Variants in TRAPPC9 observed in about 807,000 individuals in gnomAD.
TRAPPC9 encodes the protein IKK2 binding protein.
A neutral mutation model predicts 124.0 loss-of-function variants in TRAPPC9; 83 were observed. The ratio of observed to expected loss-of-function variants is 0.67; its 90% CI spans 0.56 to 0.80. The LOEUF (loss-of-function observed/expected upper bound fraction) is 0.80. TRAPPC9 is among the 30% of genes least tolerant of loss of function. The probability of loss-of-function intolerance (pLI) is 0.00; values close to 1 mark genes in which losing one functional copy is unlikely to be tolerated. For missense variants in TRAPPC9, 1,302 were observed against 1,508.3 expected, an observed-to-expected ratio of 0.86 and a Z score of 2.27; for synonymous variants, 638 against 617.5, an observed-to-expected ratio of 1.03 and a Z score of -0.49.
At chr8:139,918,044 T>A (rs1049932474) in intron 19 of TRAPPC9, among the ~76,000 whole-genome samples, 1 of 152,086 alleles carries the variant, frequency 6.6e-6, no homozygotes. Context: ...GAGAAAACAC[T>A]CAATGGGAGA....
chr8:140,379,819 A>G (rs552426956), intron 7 of TRAPPC9, among the ~76,000 whole-genome samples: 2 of 152,242 alleles, frequency 1.3e-5, no homozygotes, highest in East Asian at 3.8e-4. Context: ...TAAATATGAC[A>G]GTAATGTAAG....
intron 17 of TRAPPC9, among the ~76,000 whole-genome samples, chr8:140,075,842 T>C (rs1051970164): frequency 2.0e-5 from 3 of 152,190 alleles, no homozygotes; most frequent in Non-Finnish European, 4.4e-5. Context: ...GTAAGGAAAA[T>C]ATCCTTCTGA....
At chr8:140,442,365 C>T (rs1055629894) in intron 2 of TRAPPC9, among the ~76,000 whole-genome samples, 1 of 151,908 alleles carries the variant, frequency 6.6e-6, no homozygotes, top group Non-Finnish European at 1.5e-5. Context: ...TTTGGGAGGC[C>T]GAGGCGGGTG....
chr8:140,402,995 C>T (rs923907995), intron 6 of TRAPPC9, among the ~76,000 whole-genome samples: 1 of 151,986 alleles, frequency 6.6e-6, no homozygotes, highest in African/African-American at 2.4e-5. Context: ...ATGCTAATAA[C>T]GGTGAATACA....
In TRAPPC9 at chr8:139,776,739, C is replaced by T. The variant is rs1821417593; in HGVS notation, c.3056-44537G>A. 1.3e-5 allele frequency among the ~76,000 whole-genome samples: 2 copies of T among 152,140 alleles called. No individual in the cohort carries two copies. The highest frequency in any genetic ancestry group is 2.9e-5 in the Non-Finnish European group (2 of 68,022). The stretch of plus-strand genomic sequence containing the variant: ...AGAGCTTGGTGTAGGACAGGCTCCC[C>T]AGCTAACAAAAGGAATGATAAATCT... On this transcript the variant is annotated intron_variant, in intron 21 of 22. Coordinates refer to ENST00000438773, the MANE Select transcript of TRAPPC9 (RefSeq NM_001160372.4). This position sits in a 1 kb window ranked among gnomAD's most constrained non-coding sequence, Gnocchi z 4.1.
intron 7 of TRAPPC9, among the ~76,000 whole-genome samples, chr8:140,394,671 G>GT (rs35497502): frequency 0.27 from 41,094 of 152,026 alleles, 6,687 homozygotes; most frequent in South Asian, 0.42. Flanking sequence ...CTCAGCCTGC[G>GT]TTGGGGCCTC....
chr8:140,378,240 C>G (rs557846494), intron 7 of TRAPPC9, among the ~76,000 whole-genome samples: 1 of 152,094 alleles, frequency 6.6e-6, no homozygotes, highest in South Asian at 2.1e-4. Flanking sequence ...CTTGATGGGA[C>G]TGAAGGATGC....
At chr8:140,244,614 A>G (rs986418109) in intron 16 of TRAPPC9, among the ~76,000 whole-genome samples, 6 of 152,256 alleles carry the variant, frequency 3.9e-5, no homozygotes, top group African/African-American at 1.4e-4. Context: ...TAATTTATCA[A>G]TCTTCCCGAC....
chr8:139,849,186 G>A (rs995986384), intron 21 of TRAPPC9, among the ~76,000 whole-genome samples: 1 of 152,290 alleles, frequency 6.6e-6, no homozygotes, highest in South Asian at 2.1e-4. Context: ...AAGATCTCCC[G>A]AGAACTCCAA....
chr8:140,364,474 T>C (rs1225096603), intron 8 of TRAPPC9, among the ~76,000 whole-genome samples: 1 of 152,114 alleles, frequency 6.6e-6, no homozygotes, highest in Non-Finnish European at 1.5e-5. Context: ...TCCTAAACAC[T>C]ACTCCTTCCC....
intron 20 of TRAPPC9, among the ~76,000 whole-genome samples, chr8:139,905,536 T>A (rs1831300514): frequency 6.6e-6 from 1 of 151,940 alleles, no homozygotes; most frequent in South Asian, 2.1e-4. Flanking sequence ...CCCCACTTCA[T>A]GATGAGAATA....
chr8:139,773,071 TG>T (rs1236278380), intron 21 of TRAPPC9, among the ~76,000 whole-genome samples: 1 of 152,232 alleles, frequency 6.6e-6, no homozygotes, highest in Non-Finnish European at 1.5e-5. Flanking sequence ...GTTTGTGCCC[TG>T]GGCCACCTCG....
chr8:140,215,513 G>A (rs975601891), intron 17 of TRAPPC9, among the ~76,000 whole-genome samples: 1 of 152,016 alleles, frequency 6.6e-6, no homozygotes, highest in Non-Finnish European at 1.5e-5. Flanking sequence ...GGTCCTGGTG[G>A]CGGACACCTG....
At chr8:140,325,655 C>T (rs1256909915) in intron 9 of TRAPPC9, among the ~76,000 whole-genome samples, 3 of 152,184 alleles carry the variant, frequency 2.0e-5, no homozygotes, top group Non-Finnish European at 4.4e-5. Context: ...TCCCAGATGG[C>T]TTCACTCGTA....
chr8:140,205,318 G>A (rs1247241379), intron 17 of TRAPPC9, among the ~76,000 whole-genome samples: 5 of 152,214 alleles, frequency 3.3e-5, no homozygotes, highest in African/African-American at 1.2e-4. Context: ...ATTTCCTGAA[G>A]TCTACAGTAA....
chr8:139,837,239 C>T (rs143591994), intron 21 of TRAPPC9, among the ~76,000 whole-genome samples: 168 of 152,280 alleles, frequency 1.1e-3, no homozygotes, highest in African/African-American at 3.8e-3. Context: ...CCGCTGTTCA[C>T]GCCAGCTGGG....
rs61076967 is a variant in TRAPPC9 at position 140,173,508 on chromosome 8, C to T, written c.2556+47951G>A. Among the ~76,000 whole-genome samples, 567 of 148,578 alleles carry T rather than the reference C, an allele frequency of 3.8e-3. 5 individuals carry two copies. The highest frequency in any genetic ancestry group is 0.013 in the African/African-American group (533 of 40,026). On this transcript the variant is annotated intron_variant, in intron 17 of 22. Transcript: ENST00000438773. ...CGTGGAGCGTGCAGTGAGCCGAGAT[C>T]GCACCACTGCACTCCAGCCTGGGCG...
At chr8:139,737,137 G>A (rs1219038674) in intron 21 of TRAPPC9, among the ~76,000 whole-genome samples, 1 of 152,212 alleles carries the variant, frequency 6.6e-6, no homozygotes, top group Admixed American at 6.5e-5. Context: ...TGTGGCCCGC[G>A]CAGGGGCTGG....
chr8:140,083,452 G>C (rs911193685), intron 17 of TRAPPC9, among the ~76,000 whole-genome samples: 1 of 152,114 alleles, frequency 6.6e-6, no homozygotes, highest in Non-Finnish European at 1.5e-5. Flanking sequence ...GAGTGAATAA[G>C]GTAGAGCGCA....
Sources: allele counts gnomAD v4.1 joint callset (sites outside exome capture counted in the v4.1 genomes callset), GRCh38; gene constraint gnomAD v4.1.1; non-coding constraint Gnocchi (gnomAD v3.1); transcripts MANE v1.5; gene names NCBI Gene and HGNC (gene_info 2026-07-23, HGNC 2026-07-21).